SECISBP2: variants seen among roughly 807,000 people sequenced by gnomAD.
SECISBP2 encodes SECIS binding protein 2.
Under a neutral mutation model 98.2 loss-of-function variants are expected in SECISBP2, and 96 were observed. The observed-to-expected ratio is 0.98, with a 90% CI of 0.83 to 1.16. The LOEUF is 1.16. Ranked by LOEUF, SECISBP2 falls within the 50% of genes most tolerant of loss-of-function variation. The probability of loss-of-function intolerance (pLI) is 0.00; values close to 1 mark genes in which losing one functional copy is unlikely to be tolerated. For missense variants in SECISBP2, 1,046 were observed against 1,022.9 expected (o/e 1.02, Z -0.31); for synonymous variants, 407 against 370.2 (o/e 1.10, Z -1.14).
intron 10 of SECISBP2, among the ~76,000 whole-genome samples, chr9:89,343,491 C>T (rs1393961402): frequency 1.3e-5 from 2 of 152,088 alleles, no homozygotes; most frequent in East Asian, 3.8e-4. Flanking sequence ...TTCTGATATT[C>T]TCCTTCCTCC....
downstream of SECISBP2, chr9:89,363,722 G>A (rs776781350): frequency 7.5e-6 from 12 of 1,608,240 alleles, no homozygotes; most frequent in Non-Finnish European, 7.6e-6. Context: ...GGGTAACAGT[G>A]GGCATGGGAA....
intron 14 of SECISBP2, among the ~76,000 whole-genome samples, chr9:89,353,528 C>T (rs1831604165): frequency 1.3e-5 from 2 of 152,194 alleles, no homozygotes; most frequent in African/African-American, 4.8e-5. Context: ...TCAACCAGCC[C>T]TCTTCACCTG....
chr9:89,327,369 ATAAT>A (rs765820116), intron 4 of SECISBP2, among the ~76,000 whole-genome samples: 1 of 152,134 alleles, frequency 6.6e-6, no homozygotes, highest in Non-Finnish European at 1.5e-5. Context: ...ATTTTTTTCA[ATAAT>A]TAACCTTAGC....
In SECISBP2 at chr9:89,321,645, A is replaced by C. The variant is rs189952409; in HGVS notation, c.182+1848A>C. ...TGCGCCACTGCACTTCAGCCTGGGC[A>C]ACAGAACAAGACTCTCTCTCAAAAA... On this transcript the variant is annotated intron_variant, in intron 2 of 16. Coordinates refer to ENST00000375807, the MANE Select transcript of SECISBP2 (RefSeq NM_024077.5). 3.8e-3 allele frequency among the ~76,000 whole-genome samples: 584 copies of C among 152,164 alleles called. 5 individuals are homozygous for C. The highest frequency in any genetic ancestry group is 0.013 in the African/African-American group (534 of 41,486).
chr9:89,327,726 G>C (rs1364364877), intron 4 of SECISBP2, among the ~76,000 whole-genome samples: 2 of 151,994 alleles, frequency 1.3e-5, no homozygotes, highest in South Asian at 4.1e-4. Context: ...GTCATCTCCT[G>C]TGATAACAAT....
intron 7 of SECISBP2, among the ~76,000 whole-genome samples, chr9:89,334,937 G>A (rs956516701): frequency 7.2e-5 from 11 of 152,172 alleles, no homozygotes; most frequent in Non-Finnish European, 1.0e-4. Context: ...AAGACGGGCC[G>A]GGTGCGGTGG....
At chr9:89,344,825 TA>T (rs1406822297) in intron 10 of SECISBP2, among the ~76,000 whole-genome samples, 1 of 152,240 alleles carries the variant, frequency 6.6e-6, no homozygotes, top group African/African-American at 2.4e-5. Context: ...ATGGTACATC[TA>T]AATAGATTAT....
chr9:89,329,868 A>G (rs1013437690), intron 5 of SECISBP2: 2 of 152,194 alleles, frequency 1.3e-5, no homozygotes, highest in African/African-American at 2.4e-5. Flanking sequence ...TCAACACGCT[A>G]CTTCTAACAT....
chr9:89,363,775 C>T (rs370932643), downstream of SECISBP2: 9 of 1,613,784 alleles, frequency 5.6e-6, no homozygotes, highest in Middle Eastern at 1.6e-4. Context: ...CCTTCGAAGT[C>T]TTGTTCCCTG....
downstream of SECISBP2, among the ~76,000 whole-genome samples, chr9:89,363,207 T>C (rs578065393): frequency 5.9e-5 from 9 of 152,330 alleles, no homozygotes; most frequent in African/African-American, 1.9e-4. Context: ...CAGTCTCTTT[T>C]AAGGGCTGGG....
intron 9 of SECISBP2, 112 bp from the exon 10 acceptor site, chr9:89,341,235 T>A: frequency 9.4e-7 from 1 of 1,064,420 alleles, no homozygotes; most frequent in Non-Finnish European, 1.4e-6. Context: ...TTTTAAAAAT[T>A]CTTTTTTATA....
intron 9 of SECISBP2, 84 bp downstream of exon 9, chr9:89,340,037 A>T: frequency 1.0e-6 from 1 of 955,874 alleles, no homozygotes; most frequent in African/African-American, 1.6e-5. Context: ...TGCTTTCCAG[A>T]CATTTCTGTA....
chr9:89,319,645 TC>T lies in SECISBP2; in HGVS notation c.37-5del. 1 of 1,613,912 alleles carries T rather than the reference TC, an allele frequency of 6.2e-7. No individual in the cohort carries two copies. The highest frequency in any genetic ancestry group is 8.5e-7 in the Non-Finnish European group (1 of 1,180,006). ...GTTTGTGGCCAAAACCTCATATTTT[TC>T]CTCAGGGCATCAAGTTATCAGCAGA... is the stretch of plus-strand genomic sequence containing the variant. On this transcript the variant is annotated splice_polypyrimidine_tract_variant and splice_region_variant and intron_variant, in intron 1 of 16. Transcript: ENST00000375807.
At chr9:89,319,833 A>G in intron 2 of SECISBP2, 36 bp downstream of exon 2, 1 of 1,608,474 alleles carries the variant, frequency 6.2e-7, no homozygotes, top group Non-Finnish European at 8.5e-7. Flanking sequence ...CTAGGGGCTT[A>G]CATTTTGGAT....
At position 89,358,945 on chromosome 9, in the gene SECISBP2, A is replaced by T. The variant is rs147264264; in HGVS notation, c.*121A>T. 137 of 728,938 alleles carry T rather than the reference A, an allele frequency of 1.9e-4. No homozygotes were observed. In the Middle Eastern group the frequency reaches 3.0e-3, roughly 16 times the overall value. 45.2% of individuals were successfully genotyped at this position (728,938 alleles called of 1,614,324 possible). On this transcript the variant is annotated 3_prime_UTR_variant, in exon 17 of 17. Coordinates refer to ENST00000375807, the MANE Select transcript of SECISBP2 (RefSeq NM_024077.5). ...GTGTAACTGTTGAATCTGGAAATTGATCAGCATTAAAGGGCACATGAAGCA... is the reference window on the plus strand; with the variant it reads ...GTGTAACTGTTGAATCTGGAAATTGTTCAGCATTAAAGGGCACATGAAGCA...
At chr9:89,319,878 T>TA (rs1305732552) in intron 2 of SECISBP2, 81 bp downstream of exon 2, 2 of 1,404,880 alleles carry the variant, frequency 1.4e-6, no homozygotes, top group Non-Finnish European at 2.0e-6. Flanking sequence ...ACTCAGCAGT[T>TA]ACTGCACTAA....
At chr9:89,352,439 G>C (rs116644956) in intron 14 of SECISBP2, among the ~76,000 whole-genome samples, 2,334 of 152,282 alleles carry the variant, frequency 0.015, 61 homozygotes, top group African/African-American at 0.052. Context: ...TTCATGGGAG[G>C]CATATTTTGA....
rs1294669208 is a variant in SECISBP2, at chr9:89,350,840, A to G, written c.2101A>G (p.Ile701Val). ...CATTATTTCTCCCAACTGTGAGAAGATACAGTCAAAAGGTAAAGGCACAGT... is the reference window on the plus strand; with the variant it reads ...CATTATTTCTCCCAACTGTGAGAAGGTACAGTCAAAAGGTAAAGGCACAGT... The part of the protein sequence containing the change: ...CVIISPNCEK[I>V]QSKGGLDDTL... The change falls in exon 14 of 17, where the codon ATA becomes GTA. Residue 701 changes from isoleucine to valine, a missense_variant. Physicochemically the swap from Ile to Val is conservative, Grantham distance 29. Transcript: ENST00000375807. The G allele has an allele frequency of 1.9e-6, 3 of 1,613,952 alleles. No individual in the cohort carries two copies. The highest frequency in any genetic ancestry group is 2.5e-6 in the Non-Finnish European group (3 of 1,179,790).
chr9:89,342,778 GTTA>G (rs769148476), intron 10 of SECISBP2, among the ~76,000 whole-genome samples: 16 of 152,298 alleles, frequency 1.1e-4, no homozygotes, highest in African/African-American at 2.6e-4. Context: ...GGAATAGTGA[GTTA>G]TTATTAATGG....
Sources: allele counts gnomAD v4.1 joint callset (sites outside exome capture counted in the v4.1 genomes callset), GRCh38; gene constraint gnomAD v4.1.1; transcripts MANE v1.5; gene names NCBI Gene and HGNC (gene_info 2026-07-23, HGNC 2026-07-21).